CSMD3: variants seen among roughly 807,000 people sequenced by gnomAD.
CSMD3 encodes CUB and Sushi multiple domains 3.
Under a neutral mutation model 435.2 loss-of-function variants are expected in CSMD3, and 177 were observed. That is an observed-to-expected ratio of 0.41 (90% CI 0.36 to 0.46). The LOEUF is 0.46. Ranked by LOEUF, CSMD3 falls within the 20% of genes least tolerant of loss-of-function variation. CSMD3 has a pLI of 0.34. For missense variants in CSMD3, 4,265 were observed against 4,504.6 expected (o/e 0.95, Z 1.52); for synonymous variants, 1,656 against 1,520.5 (o/e 1.09, Z -2.07).
chr8:112,298,422 G>A (rs1820554018), intron 53 of CSMD3, among the ~76,000 whole-genome samples: 1 of 152,040 alleles, frequency 6.6e-6, no homozygotes, highest in Non-Finnish European at 1.5e-5. Context: ...TAACATTGGA[G>A]ATATAAAAGT....
Position 112,843,038 on chromosome 8 carries a change from T to C in CSMD3, c.1756-13249A>G, listed in dbSNP as rs375833295. 6.4e-4 allele frequency among the ~76,000 whole-genome samples: 98 copies of C among 151,980 alleles called. 1 individual carries two copies. The highest frequency in any genetic ancestry group is 2.2e-3 in the African/African-American group (93 of 41,530). Reference sequence around the variant, plus strand: ...ATAAAAGAAGTTGCTAAAATATTAGTTTAAGAATAAAATAAACATAAATGC... The same window carrying C: ...ATAAAAGAAGTTGCTAAAATATTAGCTTAAGAATAAAATAAACATAAATGC... On this transcript the variant is annotated intron_variant, in intron 11 of 70. Coordinates refer to ENST00000297405, the MANE Select transcript of CSMD3 (RefSeq NM_198123.2).
chr8:112,515,732 C>T (rs1001002482), intron 28 of CSMD3, among the ~76,000 whole-genome samples: 2 of 151,990 alleles, frequency 1.3e-5, no homozygotes, highest in African/African-American at 2.4e-5. Context: ...TTATTTTTTA[C>T]AGCAGAGATC....
intron 45 of CSMD3, among the ~76,000 whole-genome samples, chr8:112,328,852 G>T (rs4876465): frequency 0.19 from 29,112 of 151,966 alleles, 3,208 homozygotes; most frequent in Middle Eastern, 0.34. Context: ...GTTTCCTGAG[G>T]CCTTCCCAGT....
intron 3 of CSMD3, among the ~76,000 whole-genome samples, chr8:113,265,857 GA>G: frequency 6.6e-6 from 1 of 151,458 alleles, no homozygotes; most frequent in Middle Eastern, 3.4e-3. Flanking sequence ...CAAAAGATTC[GA>G]ATTTGACCAA....
chr8:113,021,674 G>A (rs548751482), intron 5 of CSMD3, among the ~76,000 whole-genome samples: 1 of 152,262 alleles, frequency 6.6e-6, no homozygotes, highest in East Asian at 1.9e-4. Flanking sequence ...CTTTTCCAGG[G>A]ACATGAAAGG....
chr8:112,607,404 T>A (rs1019550285), intron 22 of CSMD3, among the ~76,000 whole-genome samples: 2 of 152,088 alleles, frequency 1.3e-5, no homozygotes, highest in Non-Finnish European at 2.9e-5. Flanking sequence ...TTATTTAACA[T>A]TTAAAGAATA....
At chr8:112,842,957 T>C (rs1262041905) in intron 11 of CSMD3, among the ~76,000 whole-genome samples, 1 of 151,764 alleles carries the variant, frequency 6.6e-6, no homozygotes, top group Non-Finnish European at 1.5e-5. Flanking sequence ...ACTAGTAAAA[T>C]TGCAATCCAT....
At chr8:112,369,849 T>C (rs1828152618) in intron 38 of CSMD3, among the ~76,000 whole-genome samples, 1 of 151,652 alleles carries the variant, frequency 6.6e-6, no homozygotes, top group Non-Finnish European at 1.5e-5. Flanking sequence ...CTGCACGTTC[T>C]GCACATGTAT....
intron 10 of CSMD3, among the ~76,000 whole-genome samples, chr8:112,900,889 G>A (rs1437881948): frequency 6.6e-6 from 1 of 151,126 alleles, no homozygotes; most frequent in Non-Finnish European, 1.5e-5. Flanking sequence ...AGAGGCTTCT[G>A]GCTGAGTATT....
intron 6 of CSMD3, among the ~76,000 whole-genome samples, chr8:112,998,674 G>A (rs1261207242): frequency 6.6e-6 from 1 of 151,868 alleles, no homozygotes; most frequent in African/African-American, 2.4e-5. Flanking sequence ...CATTTAATAT[G>A]GTTTGGATTT....
At chr8:112,553,717 G>T (rs960516439) in intron 25 of CSMD3, among the ~76,000 whole-genome samples, 2 of 151,580 alleles carry the variant, frequency 1.3e-5, no homozygotes, top group African/African-American at 4.8e-5. Context: ...TTTTATTTTT[G>T]ATTATTATTA....
chr8:112,241,077 C>T (rs1814086388), intron 66 of CSMD3, among the ~76,000 whole-genome samples: 1 of 151,934 alleles, frequency 6.6e-6, no homozygotes, highest in Non-Finnish European at 1.5e-5. Context: ...ATATTGAGCC[C>T]TTACTATGGG....
At chr8:112,461,169 G>A (rs16883633) in intron 32 of CSMD3, among the ~76,000 whole-genome samples, 2,854 of 152,130 alleles carry the variant, frequency 0.019, 86 homozygotes, top group African/African-American at 0.064. Flanking sequence ...ATTAGAGATC[G>A]TTATACTATC....
intron 68 of CSMD3, 70 bp from the exon 69 acceptor site, chr8:112,231,702 TAC>T (rs1027182045): frequency 1.1e-5 from 10 of 927,090 alleles, no homozygotes; most frequent in Non-Finnish European, 1.6e-5. Context: ...CCTTAATAAA[TAC>T]ACAATTTTAT....
chr8:112,624,523 C>A (rs1266304505), intron 22 of CSMD3, among the ~76,000 whole-genome samples: 1 of 152,060 alleles, frequency 6.6e-6, no homozygotes, highest in Non-Finnish European at 1.5e-5. Flanking sequence ...ACAGACAAAT[C>A]TATTCTTTAC....
chr8:113,350,782 C>T (rs964550677), intron 1 of CSMD3, among the ~76,000 whole-genome samples: 5 of 152,198 alleles, frequency 3.3e-5, no homozygotes, highest in South Asian at 4.1e-4. Flanking sequence ...AAGTCCATGT[C>T]GGACAGCATG....
intron 31 of CSMD3, among the ~76,000 whole-genome samples, chr8:112,476,282 G>T (rs1207420501): frequency 6.6e-6 from 1 of 152,108 alleles, no homozygotes; most frequent in East Asian, 1.9e-4. Context: ...CTGACCTCAG[G>T]TTACCCATCT....
At chr8:113,236,058 G>A (rs1447875878) in intron 3 of CSMD3, among the ~76,000 whole-genome samples, 1 of 152,118 alleles carries the variant, frequency 6.6e-6, no homozygotes, top group African/African-American at 2.4e-5. Context: ...GGTCCCACAT[G>A]CACAGCTAGG....
chr8:112,768,141 AC>A (rs2078025926), intron 13 of CSMD3, among the ~76,000 whole-genome samples: 2 of 151,566 alleles, frequency 1.3e-5, no homozygotes, highest in Admixed American at 6.6e-5. Flanking sequence ...TTACAAAGCC[AC>A]ATAAATATGC....
Sources: gnomAD v4.1 joint callset for allele counts (sites outside exome capture counted in the v4.1 genomes callset) on GRCh38, gnomAD v4.1.1 for gene constraint, MANE v1.5 for transcripts, NCBI Gene and HGNC (gene_info 2026-07-23, HGNC 2026-07-21) for gene names.